Variants in DNAH11 observed in about 807,000 individuals in gnomAD.
DNAH11 encodes the protein dynein axonemal heavy chain 11.
In DNAH11, 442 loss-of-function variants were observed where a neutral mutation model predicts 526.0. That is an observed-to-expected ratio of 0.84 (90% CI 0.78 to 0.91). DNAH11 has a LOEUF of 0.91. Ranked by LOEUF, DNAH11 falls within the 40% of genes least tolerant of loss-of-function variation. The probability of loss-of-function intolerance (pLI) is 0.00; values close to 1 mark genes in which losing one functional copy is unlikely to be tolerated. For synonymous variants in DNAH11, 2,461 were observed against 1,935.9 expected, an observed-to-expected ratio of 1.27 and a Z score of -7.12; for missense variants, 6,989 against 5,448.7, an observed-to-expected ratio of 1.28 and a Z score of -8.90.
chr7:21,735,599 C>T (rs1475274977), intron 45 of DNAH11, 41 bp from the exon 46 acceptor site: 1 of 1,541,708 alleles, frequency 6.5e-7, no homozygotes, highest in Non-Finnish European at 8.8e-7. Flanking sequence ...CGCACTCTCT[C>T]TCTCTTTCTG....
intron 9 of DNAH11, among the ~76,000 whole-genome samples, chr7:21,583,750 C>T (rs1440173418): frequency 6.6e-6 from 1 of 151,934 alleles, no homozygotes; most frequent in African/African-American, 2.4e-5. Flanking sequence ...AAAAACAACC[C>T]CATCAAAAAG....
At position 21,880,872 on chromosome 7, in the gene DNAH11, C is replaced by T; in HGVS notation, c.12366C>T (p.Asn4122=). 1 of 1,608,836 alleles carries T rather than the reference C, an allele frequency of 6.2e-7. No homozygotes were observed. Among genetic ancestry groups the T allele is most frequent in the Non-Finnish European group, 8.5e-7 (1 of 1,178,634 alleles). The part of the protein sequence containing the change: ...DLTICASVLY[N]YLEANSKVPW... ...CCATTTGTGCCAGTGTCCTCTACAA[C>T]TACTTAGAGGCAAACTCTAAAGTAA... The change falls in exon 75 of 82, where the codon AAC becomes AAT. Residue 4122 remains asparagine, a synonymous_variant. Coordinates refer to ENST00000409508, the MANE Select transcript of DNAH11 (RefSeq NM_001277115.2).
intron 20 of DNAH11, among the ~76,000 whole-genome samples, chr7:21,614,294 A>G (rs1024974205): frequency 2.0e-5 from 3 of 152,220 alleles, no homozygotes; most frequent in African/African-American, 4.8e-5. Context: ...CAAAGCCAGT[A>G]GTAACCTAGT....
chr7:21,834,596 G>T (rs958594464), intron 65 of DNAH11, among the ~76,000 whole-genome samples: 4 of 152,148 alleles, frequency 2.6e-5, no homozygotes, highest in African/African-American at 4.8e-5. Context: ...ACTTTGGGAG[G>T]CCAAGGCAGG....
chr7:21,555,950 G>C (rs1451201869), intron 2 of DNAH11, among the ~76,000 whole-genome samples: 3 of 152,202 alleles, frequency 2.0e-5, no homozygotes, highest in East Asian at 1.9e-4. Flanking sequence ...ATGAAGAACA[G>C]TGGAAGCAAG....
chr7:21,571,691 ATTTTCTG>A, intron 7 of DNAH11, 108 bp from the exon 8 acceptor site: 1 of 688,068 alleles, frequency 1.5e-6, no homozygotes. Context: ...ATTTTCTGTC[ATTTTCTG>A]TCATTGACTC....
chr7:21,638,193 C>T (rs1786957682), intron 27 of DNAH11, among the ~76,000 whole-genome samples: 1 of 152,130 alleles, frequency 6.6e-6, no homozygotes, highest in African/African-American at 2.4e-5. Context: ...TAAGAATATT[C>T]TGGCTTTTGA....
At position 21,601,185 on chromosome 7, in the gene DNAH11, C is replaced by T; in HGVS notation, c.3425+6C>T. On this transcript the variant is annotated splice_donor_region_variant and intron_variant, in intron 17 of 81. Transcript: ENST00000409508. ...TTGAGATTTGTCATTGACAGGTAGC[C>T]TTTTACTTTGGTTTTTGGAATTATA... 1.3e-6 allele frequency: 2 copies of T among 1,581,562 alleles called. No individual in the cohort carries two copies. Among genetic ancestry groups the T allele is most frequent in the Non-Finnish European group, 8.5e-7 (1 of 1,170,180 alleles).
intron 24 of DNAH11, 133 bp from the exon 25 acceptor site, chr7:21,619,823 A>G (rs1785953677): frequency 1.2e-6 from 1 of 812,158 alleles, no homozygotes; most frequent in Non-Finnish European, 1.9e-6. Context: ...TACTTGGAGG[A>G]AAAAACTCAA....
intron 65 of DNAH11, among the ~76,000 whole-genome samples, chr7:21,826,218 C>T (rs750012907): frequency 6.6e-5 from 10 of 151,982 alleles, no homozygotes; most frequent in Non-Finnish European, 1.3e-4. Context: ...TTTGTTACTG[C>T]ATTATTTTTG....
chr7:21,869,085 G>A (rs554546626), intron 73 of DNAH11, 94 bp downstream of exon 73: 108 of 1,531,544 alleles, frequency 7.1e-5, no homozygotes, highest in Non-Finnish European at 8.8e-5. Flanking sequence ...CCTTAACACC[G>A]CTGTGCATGG....
chr7:21,563,651 A>G (rs1783552341), intron 5 of DNAH11, among the ~76,000 whole-genome samples: 1 of 152,202 alleles, frequency 6.6e-6, no homozygotes, highest in South Asian at 2.1e-4. Flanking sequence ...TCGAGTTTCA[A>G]AATCCTTTCA....
At chr7:21,592,490 A>T (rs955988299) in intron 14 of DNAH11, among the ~76,000 whole-genome samples, 1 of 152,160 alleles carries the variant, frequency 6.6e-6, no homozygotes, top group Non-Finnish European at 1.5e-5. Flanking sequence ...GGTAGAAGAG[A>T]CTAATGGTAC....
intron 30 of DNAH11, among the ~76,000 whole-genome samples, chr7:21,674,028 TTGTG>T (rs59263134): frequency 0.37 from 50,334 of 137,028 alleles, 9,036 homozygotes; most frequent in Non-Finnish European, 0.43. Flanking sequence ...CTGTTTTGTT[TTGTG>T]TGTGTGTGTG....
chr7:21,559,829 G>A, intron 4 of DNAH11, 37 bp downstream of exon 4: 2 of 1,521,546 alleles, frequency 1.3e-6, no homozygotes, highest in Non-Finnish European at 1.8e-6. Flanking sequence ...AATTAAATTA[G>A]CAAAGTGTCC....
chr7:21,806,867 A>T (rs757391248), intron 62 of DNAH11, among the ~76,000 whole-genome samples: 7 of 152,302 alleles, frequency 4.6e-5, no homozygotes, highest in African/African-American at 9.6e-5. Context: ...TGGCCATCCA[A>T]CTAGCTATAA....
At position 21,588,577 on chromosome 7, in the gene DNAH11, C is replaced by T. The variant is rs775445531; in HGVS notation, c.1914C>T (p.Ala638=). The T allele has an allele frequency of 2.5e-6, 4 of 1,613,356 alleles. No individual in the cohort carries two copies. The Admixed American group carries it at 6.7e-5, about 27-fold the overall frequency. The change falls in exon 11 of 82, where the codon GCC becomes GCT. Residue 638 remains alanine (A), a synonymous_variant. Transcript: ENST00000409508. ...TTACCTCAGGAAATATGAAATGGGCCCAGCAGGTTCTCCAACGACTTCAAA... is the reference window on the plus strand; with the variant it reads ...TTACCTCAGGAAATATGAAATGGGCTCAGCAGGTTCTCCAACGACTTCAAA... The part of the protein sequence containing the change: ...MPFTSGNMKW[A]QQVLQRLQMF...
chr7:21,716,433 C>T (rs1049551276), intron 42 of DNAH11, among the ~76,000 whole-genome samples: 1 of 152,210 alleles, frequency 6.6e-6, no homozygotes, highest in Non-Finnish European at 1.5e-5. Flanking sequence ...TTATTACCCT[C>T]TCCATTTACA....
At position 21,816,549 on chromosome 7, in the gene DNAH11, G is replaced by C; in HGVS notation, c.10415G>C (p.Gly3472Ala). Reference protein sequence around the residue: ...DATIAAWNNEGLPSDRMSTEN... With the variant: ...DATIAAWNNEALPSDRMSTEN... The stretch of plus-strand genomic sequence containing the variant: ...ACAATTGCCGCCTGGAATAACGAAG[G>C]ACTGCCCAGTGACAGAATGTCCACC... The change falls in exon 64 of 82, where the codon GGA becomes GCA. Residue 3472 changes from glycine to alanine, a missense_variant. Transcript: ENST00000409508. 6.2e-7 allele frequency: 1 copy of C among 1,613,108 alleles called. No homozygotes were observed. The highest frequency in any genetic ancestry group is 8.5e-7 in the Non-Finnish European group (1 of 1,179,642).
Sources: allele counts gnomAD v4.1 joint callset (sites outside exome capture counted in the v4.1 genomes callset), GRCh38; gene constraint gnomAD v4.1.1; transcripts MANE v1.5; gene names NCBI Gene and HGNC (gene_info 2026-07-23, HGNC 2026-07-21).